VARS2: variants seen among roughly 807,000 people sequenced by gnomAD.
VARS2 encodes the protein valyl-tRNA synthetase 2, mitochondrial.
VARS2 carries 105 observed loss-of-function variants against 154.1 expected under a neutral mutation model. That is an observed-to-expected ratio of 0.68 (90% confidence interval 0.58 to 0.80). The LOEUF (loss-of-function observed/expected upper bound fraction) is 0.80, where lower values mean the gene tolerates loss of function less well. Among genes scored for constraint, VARS2 ranks in the 30% least tolerant of loss-of-function variants. VARS2 has a pLI of 0.00. For synonymous variants in VARS2, 483 were observed against 539.5 expected, an observed-to-expected ratio of 0.90 and a Z score of 1.45; for missense variants, 1,157 against 1,361.4, an observed-to-expected ratio of 0.85 and a Z score of 2.36.
Position 30,925,577 on chromosome 6 carries a change from GC to G in VARS2, c.2821del (p.Leu941SerfsTer59), listed in dbSNP as rs770874290. ...CAGAGCTCAGAGCCTGGGGACCAGG[GC>G]CTCTTCGAGGCCTTCTTGGAGCCCC... The part of the protein sequence containing the change: ...LLQSSEPGDQ[G>X]LFEAFLEPLG... On this transcript the variant is annotated frameshift_variant, in exon 28 of 30. Coordinates refer to ENST00000676266, the MANE Select transcript of VARS2 (RefSeq NM_020442.6). LOFTEE classifies it high-confidence loss of function. 1 of 1,604,862 alleles carries G rather than the reference GC, an allele frequency of 6.2e-7. No individual in the cohort carries two copies. The highest frequency in any genetic ancestry group is 8.5e-7 in the Non-Finnish European group (1 of 1,177,294).
Position 30,922,512 on chromosome 6 carries a change from T to C in VARS2, c.1995T>C (p.Asn665=). 6.3e-7 allele frequency: 1 copy of C among 1,589,518 alleles called. No homozygotes were observed. The highest frequency in any genetic ancestry group is 8.6e-7 in the Non-Finnish European group (1 of 1,168,660). ...GGAAGATGAGCAAGTCCCTGGGGAA[T>C]GTGCTGGACCCAAGAGACATCATCA... The part of the protein sequence containing the change: ...QGRKMSKSLG[N]VLDPRDIISG... Residue 665 remains asparagine (N), a synonymous_variant, in exon 21 of 30, where the codon AAT becomes AAC. Transcript: ENST00000676266.
At position 30,926,099 on chromosome 6, in the gene VARS2, C is replaced by T. The variant is rs141974166; in HGVS notation, c.3091-10C>T. On this transcript the variant is annotated splice_polypyrimidine_tract_variant and intron_variant, in intron 29 of 29. Coordinates refer to ENST00000676266, the MANE Select transcript of VARS2 (RefSeq NM_020442.6). ...TTCCTGGATCCTCACCTCCTTTTCT[C>T]CTCGTCCAGCTTTCTTCCCTCCAGC... is the stretch of plus-strand genomic sequence containing the variant. 2.2e-4 allele frequency: 349 copies of T among 1,613,096 alleles called. 3 individuals carry two copies. In the East Asian group the frequency reaches 5.3e-3, roughly 25 times the overall value.
In VARS2 at chr6:30,916,963, AGT is replaced by A. The variant is rs1244402573; in HGVS notation, c.753+7_753+8del. 1.7e-5 allele frequency: 28 copies of A among 1,613,872 alleles called. No individual in the cohort carries two copies. The highest frequency in any genetic ancestry group is 2.4e-5 in the Non-Finnish European group (28 of 1,180,030). ...AGAGTGTTTTACCATGGATGTTGTG[AGT>A]GTTCTGTGCCTTGGTCCCTGTGAGT... On this transcript the variant is annotated splice_donor_5th_base_variant and intron_variant, in intron 8 of 29. Coordinates refer to ENST00000676266, the MANE Select transcript of VARS2 (RefSeq NM_020442.6). The surrounding 1 kb of genome is among the most constrained non-coding windows in gnomAD (Gnocchi z 4.0).
chr6:30,915,335 GCT>G lies in VARS2; in HGVS notation c.284-16_284-15del. The G allele has an allele frequency of 6.2e-7, 1 of 1,613,894 alleles. No homozygotes were observed. The highest frequency in any genetic ancestry group is 8.5e-7 in the Non-Finnish European group (1 of 1,179,738). ...GGGAACAAGTTCAGTGGTTAGTGGA[GCT>G]CTCCTCTGCCTTCACAGATGTCTCT... On this transcript the variant is annotated intron_variant, in intron 3 of 29. Coordinates refer to ENST00000676266, the MANE Select transcript of VARS2 (RefSeq NM_020442.6).
rs1794220368 is a variant in VARS2, at chr6:30,917,039, T to A, written c.754-66T>A. On this transcript the variant is annotated intron_variant, in intron 8 of 29. Coordinates refer to ENST00000676266, the MANE Select transcript of VARS2 (RefSeq NM_020442.6). The surrounding 1 kb of genome is among the most constrained non-coding windows in gnomAD (Gnocchi z 4.4). ...TGTGGGGCAGGGAGGAAGCAATGCC[T>A]GGGTCCCTGAGCAGGGTGATGGGCT... 9.9e-6 allele frequency: 16 copies of A among 1,613,680 alleles called. No homozygotes were observed. The highest frequency in any genetic ancestry group is 5.0e-5 in the Admixed American group (3 of 60,012).
chr6:30,920,560 C>A lies in VARS2; in HGVS notation c.1398-108C>A. ...ATACGAGCTCCGTGTCGGTTTTATT[C>A]GCTATTGTATCCTCAGTACCAAGGG... On this transcript the variant is annotated intron_variant, in intron 14 of 29. Transcript: ENST00000676266. This position sits in a 1 kb window ranked among gnomAD's most constrained non-coding sequence, Gnocchi z 4.6. 7.4e-7 allele frequency: 1 copy of A among 1,347,738 alleles called. No individual in the cohort carries two copies. Among genetic ancestry groups the A allele is most frequent in the Non-Finnish European group, 1.0e-6 (1 of 995,522 alleles). 83.5% of individuals were successfully genotyped at this position (1,347,738 alleles called of 1,614,324 possible). A position where few individuals can be genotyped will look rare whatever the true frequency, so the allele number is the denominator to read the frequency against.
In VARS2 at chr6:30,925,359, A is replaced by T; in HGVS notation, c.2759A>T (p.Tyr920Phe). The change falls in exon 27 of 30, where the codon TAC (tyrosine) becomes TTC (phenylalanine). Residue 920 changes from tyrosine to phenylalanine, a missense_variant. Transcript: ENST00000676266. ...GTGCTAAGGGCTCTCCGAGCCACGT[A>T]CCAGCTCACCAAAGCCCGGCCCCGA... ...VQVLRALRAT[Y>F]QLTKARPRVL... 1 of 1,611,620 alleles carries T rather than the reference A, an allele frequency of 6.2e-7. No homozygotes were observed. Among genetic ancestry groups the T allele is most frequent in the Non-Finnish European group, 8.5e-7 (1 of 1,179,230 alleles).
chr6:30,924,328 C>A, intron 25 of VARS2, 26 bp from the exon 26 acceptor site: 1 of 1,610,356 alleles, frequency 6.2e-7, no homozygotes, highest in Middle Eastern at 2.2e-4. Flanking sequence ...CTGGACCTGT[C>A]CTCTGACCAT....
In VARS2 at chr6:30,919,503, A is replaced by T. The variant is rs1296092337; in HGVS notation, c.1075-255A>T. 1.1e-5 allele frequency: 4 copies of T among 365,640 alleles called. No homozygotes were observed. The highest frequency in any genetic ancestry group is 8.4e-5 in the African/African-American group (4 of 47,834). 22.6% of individuals were successfully genotyped at this position (365,640 alleles called of 1,614,324 possible). A position where few individuals can be genotyped will look rare whatever the true frequency, so the allele number is the denominator to read the frequency against. Reference sequence around the variant, plus strand: ...CCTGGCTGCTTGCAGCCTTTATATTATCTATGGCTGCTATTATATACCCTC... The same window carrying T: ...CCTGGCTGCTTGCAGCCTTTATATTTTCTATGGCTGCTATTATATACCCTC... On this transcript the variant is annotated intron_variant, in intron 11 of 29. Transcript: ENST00000676266. This position sits in a 1 kb window ranked among gnomAD's most constrained non-coding sequence, Gnocchi z 4.5.
chr6:30,915,581 A>C, intron 4 of VARS2, 126 bp downstream of exon 4: 1 of 1,441,592 alleles, frequency 6.9e-7, no homozygotes, highest in South Asian at 1.3e-5. Flanking sequence ...GTGTCTCCAA[A>C]GATTTCTCTT....
chr6:30,922,447 C>T lies in VARS2; in HGVS notation c.1933-3C>T. The T allele has an allele frequency of 1.2e-6, 2 of 1,607,186 alleles. No individual in the cohort carries two copies. Among genetic ancestry groups the T allele is most frequent in the East Asian group, 2.2e-5 (1 of 44,864 alleles). ...CCCTCTGTTGACCCCTCCCTGCCCCCAGGTGCTTCTTCATCCCATGGTTCG... is the reference window on the plus strand; with the variant it reads ...CCCTCTGTTGACCCCTCCCTGCCCCTAGGTGCTTCTTCATCCCATGGTTCG... On this transcript the variant is annotated splice_region_variant and splice_polypyrimidine_tract_variant and intron_variant, in intron 20 of 29. Transcript: ENST00000676266.
In VARS2 at chr6:30,921,528, T is replaced by G; in HGVS notation, c.1633-61T>G. 6.4e-7 allele frequency: 1 copy of G among 1,552,100 alleles called. No homozygotes were observed. The highest frequency in any genetic ancestry group is 8.7e-7 in the Non-Finnish European group (1 of 1,144,158). On this transcript the variant is annotated intron_variant, in intron 17 of 29. Transcript: ENST00000676266. The surrounding 1 kb of genome is among the most constrained non-coding windows in gnomAD (Gnocchi z 4.6). ...ACCACATGAGGACGTGAAAACCAAG[T>G]GACATTTACACCTGTCAGCTGTTCT... is the stretch of plus-strand genomic sequence containing the variant.
At position 30,922,767 on chromosome 6, in the gene VARS2, C is replaced by T. The variant is rs754381626; in HGVS notation, c.2099C>T (p.Ala700Val). 1.9e-6 allele frequency: 3 copies of T among 1,611,226 alleles called. No individual in the cohort carries two copies. Among genetic ancestry groups the T allele is most frequent in the Non-Finnish European group, 2.5e-6 (3 of 1,178,890 alleles). ...CCTGCAGAGCTGGCCATTGTGGCTG[C>T]AGCACAGGTGAGTCATCGCTGCCTG... ...LDPAELAIVA[A>V]AQKKDFPHGI... The change falls in exon 22 of 30, where the codon GCA (alanine) becomes GTA (valine). Residue 700 changes from alanine (A) to valine (V), a missense_variant. Coordinates refer to ENST00000676266, the MANE Select transcript of VARS2 (RefSeq NM_020442.6).
chr6:30,922,257 T>A lies in VARS2; in HGVS notation c.1932+16T>A. The A allele has an allele frequency of 6.2e-7, 1 of 1,606,628 alleles. No individual in the cohort carries two copies. The highest frequency in any genetic ancestry group is 8.5e-7 in the Non-Finnish European group (1 of 1,177,106). ...CTTCAGCAAGGTAAGAGCCCTTCAG[T>A]GCCCTGCCGCTTTCTGTGACTCCAG... is the stretch of plus-strand genomic sequence containing the variant. On this transcript the variant is annotated intron_variant, in intron 20 of 29. Transcript: ENST00000676266.
rs1266282379 is a variant in VARS2 at position 30,917,225 on chromosome 6, G to A, written c.873+1G>A. ...AAGATCAGCCATCTCGGACATTGAG[G>A]TGAGGCGGAGAGAGGGAAGCAGGTT... On this transcript the variant is annotated splice_donor_variant, in intron 9 of 29. Coordinates refer to ENST00000676266, the MANE Select transcript of VARS2 (RefSeq NM_020442.6). LOFTEE classifies it high-confidence loss of function. This position sits in a 1 kb window ranked among gnomAD's most constrained non-coding sequence, Gnocchi z 4.4. The A allele has an allele frequency of 6.2e-7, 1 of 1,614,174 alleles. No individual in the cohort carries two copies. Among genetic ancestry groups the A allele is most frequent in the Non-Finnish European group, 8.5e-7 (1 of 1,180,044 alleles).
chr6:30,923,736 T>C, intron 25 of VARS2: 1 of 591,086 alleles, frequency 1.7e-6, no homozygotes, highest in Middle Eastern at 4.6e-4. Context: ...GGGAGACTTC[T>C]AGAAATGTCT....
At position 30,918,850 on chromosome 6, in the gene VARS2, A is replaced by C; in HGVS notation, c.1009A>C (p.Thr337Pro). Residue 337 changes from threonine (T) to proline (P), a missense_variant, in exon 11 of 30, where the codon ACA becomes CCA. Physicochemically the swap from Thr to Pro is conservative, Grantham distance 38. Coordinates refer to ENST00000676266, the MANE Select transcript of VARS2 (RefSeq NM_020442.6). ...EPDAEVVVGT[T>P]RPETLPGDVA... ...AGATGCAGAGGTTGTGGTAGGAACC[A>C]CAAGGCCAGAGACGCTGCCTGGAGA... is the stretch of plus-strand genomic sequence containing the variant. The C allele has an allele frequency of 6.2e-7, 1 of 1,613,028 alleles. No homozygotes were observed. Among genetic ancestry groups the C allele is most frequent in the Non-Finnish European group, 8.5e-7 (1 of 1,180,032 alleles).
intron 2 of VARS2, 28 bp downstream of exon 2, chr6:30,915,065 G>A: frequency 6.2e-7 from 1 of 1,612,802 alleles, no homozygotes. Flanking sequence ...TTGTCCTTGG[G>A]TTTCTGAGAC....
chr6:30,921,736 T>G lies in VARS2; in HGVS notation c.1735+45T>G, dbSNP rs780199467. 2.0e-5 allele frequency: 31 copies of G among 1,551,772 alleles called. No individual in the cohort carries two copies. The highest frequency in any genetic ancestry group is 1.4e-5 in the African/African-American group (1 of 73,700). ...AGGGATGTACAGGGGAGCGGGGGCC[T>G]GGGCATCTGGGCCTTTGAGGGGAAC... is the stretch of plus-strand genomic sequence containing the variant. On this transcript the variant is annotated intron_variant, in intron 18 of 29. Coordinates refer to ENST00000676266, the MANE Select transcript of VARS2 (RefSeq NM_020442.6). The surrounding 1 kb of genome is among the most constrained non-coding windows in gnomAD (Gnocchi z 4.6).
Sources: gnomAD v4.1 joint callset for allele counts on GRCh38, gnomAD v4.1.1 for gene constraint, Gnocchi (gnomAD v3.1) non-coding constraint, MANE v1.5 for transcripts, NCBI Gene and HGNC (gene_info 2026-07-23, HGNC 2026-07-21) for gene names.